FUT8: variants seen among roughly 807,000 people sequenced by gnomAD.
FUT8 encodes fucosyltransferase 8.
Under a neutral mutation model 71.3 loss-of-function variants are expected in FUT8, and 29 were observed. That is an observed-to-expected ratio of 0.41 (90% confidence interval 0.30 to 0.55). The LOEUF is 0.55. FUT8 is among the 20% of genes least tolerant of loss of function. The pLI, the probability that FUT8 is intolerant of heterozygous loss-of-function variation, is 0.34. For synonymous variants in FUT8, 254 were observed against 239.3 expected, an observed-to-expected ratio of 1.06 and a Z score of -0.57; for missense variants, 544 against 702.1, an observed-to-expected ratio of 0.77 and a Z score of 2.55.
intron 2 of FUT8, among the ~76,000 whole-genome samples, chr14:65,511,139 TTTC>T (rs1226550504): frequency 2.6e-5 from 4 of 152,138 alleles, no homozygotes; most frequent in African/African-American, 9.6e-5. Context: ...AGTTTTCAAT[TTTC>T]TTCTTAATTT....
intron 7 of FUT8, among the ~76,000 whole-genome samples, chr14:65,684,169 TA>T (rs1893167284): frequency 1.3e-5 from 2 of 152,080 alleles, no homozygotes; most frequent in African/African-American, 4.8e-5. Flanking sequence ...TCTACTATAA[TA>T]ACTATAATAT....
intron 3 of FUT8, among the ~76,000 whole-genome samples, chr14:65,609,512 C>T (rs1321400431): frequency 6.6e-6 from 1 of 151,734 alleles, no homozygotes; most frequent in African/African-American, 2.4e-5. Flanking sequence ...AAACTGTCTG[C>T]TAAATTATCT....
intron 3 of FUT8, among the ~76,000 whole-genome samples, chr14:65,572,213 T>G (rs1244390927): frequency 6.6e-6 from 1 of 152,156 alleles, no homozygotes; most frequent in Non-Finnish European, 1.5e-5. Flanking sequence ...TAGCTTGTGC[T>G]TTTACTCTTA....
At chr14:65,388,222 CTTTAG>C in the FUT8 span, among the ~76,000 whole-genome samples, 4 of 152,158 alleles carry the variant, frequency 2.6e-5, no homozygotes, top group African/African-American at 9.7e-5. Context: ...AAGAAGGAGT[CTTTAG>C]TTAAAAACTT....
chr14:65,695,941 T>C (rs908651069), intron 7 of FUT8, among the ~76,000 whole-genome samples: 1 of 152,120 alleles, frequency 6.6e-6, no homozygotes, highest in Non-Finnish European at 1.5e-5. Context: ...GCTTGCAATA[T>C]ATATTTACCA....
chr14:65,512,368 A>G (rs1458746249), intron 2 of FUT8, among the ~76,000 whole-genome samples: 1 of 151,970 alleles, frequency 6.6e-6, no homozygotes, highest in African/African-American at 2.4e-5. Flanking sequence ...GTTTCACCAT[A>G]TTGTCCAGGC....
rs10150033 is a variant in FUT8 at position 65,449,758 on chromosome 14, A to G, written c.-325-5863A>G. Among the ~76,000 whole-genome samples the G allele has an allele frequency of 9.8e-3, 1,494 of 152,200 alleles. 25 individuals carry two copies. The highest frequency in any genetic ancestry group is 0.034 in the African/African-American group (1,430 of 41,526). On this transcript the variant is annotated intron_variant, in intron 1 of 10. Coordinates refer to ENST00000673929, the MANE Select transcript of FUT8 (RefSeq NM_001371533.1). Reference sequence around the variant, plus strand: ...GCTGTCGCCACCCCTGCCTTACCCTATTTCACTGTGGAAAGCTCACTTTCT... The same window carrying G: ...GCTGTCGCCACCCCTGCCTTACCCTGTTTCACTGTGGAAAGCTCACTTTCT...
intron 2 of FUT8, among the ~76,000 whole-genome samples, chr14:65,524,675 G>A (rs1222144120): frequency 2.0e-5 from 3 of 152,242 alleles, no homozygotes; most frequent in East Asian, 1.9e-4. Context: ...AATGCTTCCC[G>A]TTTTTGCCCA....
chr14:65,662,356 G>T (rs1016721871), intron 6 of FUT8, among the ~76,000 whole-genome samples: 1 of 152,018 alleles, frequency 6.6e-6, no homozygotes, highest in Non-Finnish European at 1.5e-5. Flanking sequence ...ACTGCACTCC[G>T]GCCTGAGCAA....
intron 7 of FUT8, among the ~76,000 whole-genome samples, chr14:65,690,345 A>G (rs542428254): frequency 1.1e-4 from 17 of 152,250 alleles, no homozygotes; most frequent in South Asian, 2.1e-4. Context: ...TTATTCTTCA[A>G]TGTTATATTA....
At chr14:65,600,368 A>C (rs1888229940) in intron 3 of FUT8, among the ~76,000 whole-genome samples, 1 of 152,096 alleles carries the variant, frequency 6.6e-6, no homozygotes, top group Admixed American at 6.5e-5. Context: ...GTGTTACTTC[A>C]TTTATGCAAA....
chr14:65,534,504 C>T (rs531998842), intron 2 of FUT8, among the ~76,000 whole-genome samples: 2 of 147,482 alleles, frequency 1.4e-5, no homozygotes, highest in East Asian at 2.0e-4. Context: ...CTTTGTACAT[C>T]TGGTAGAATT....
intron 1 of FUT8, among the ~76,000 whole-genome samples, chr14:65,449,746 CT>C (rs1169368961): frequency 6.6e-6 from 1 of 152,214 alleles, no homozygotes; most frequent in Non-Finnish European, 1.5e-5. Flanking sequence ...GTCGCCACCC[CT>C]GCCTTACCCT....
chr14:65,596,815 A>G lies in FUT8; in HGVS notation c.204-19163A>G, dbSNP rs188956378. Among the ~76,000 whole-genome samples, 374 of 152,260 alleles carry G rather than the reference A, an allele frequency of 2.5e-3. 2 individuals carry two copies. The highest frequency in any genetic ancestry group is 8.6e-3 in the African/African-American group (356 of 41,566). ...TTCTAGTCTTTTGAGTTTTCCAAGC[A>G]TGGTCTATCTAAACACTTACTGTGA... On this transcript the variant is annotated intron_variant, in intron 3 of 10. Coordinates refer to ENST00000673929, the MANE Select transcript of FUT8 (RefSeq NM_001371533.1).
At position 65,550,017 on chromosome 14, in the gene FUT8, C is replaced by T. The variant is rs561554270; in HGVS notation, c.-227-11320C>T. On this transcript the variant is annotated intron_variant, in intron 2 of 10. Transcript: ENST00000673929. The surrounding 1 kb of genome is among the most constrained non-coding windows in gnomAD (Gnocchi z 4.5). Reference sequence around the variant, plus strand: ...TGGAGGTTGCAGTGAGCCGAGATCTCGCCACTGCACTCCAGCCTGGGTGAC... The same window carrying T: ...TGGAGGTTGCAGTGAGCCGAGATCTTGCCACTGCACTCCAGCCTGGGTGAC... 1.3e-5 allele frequency among the ~76,000 whole-genome samples: 2 copies of T among 152,046 alleles called. No individual in the cohort carries two copies. The highest frequency in any genetic ancestry group is 2.4e-5 in the African/African-American group (1 of 41,388).
intron 1 of FUT8, among the ~76,000 whole-genome samples, chr14:65,453,438 C>A (rs1486926094): frequency 1.3e-5 from 2 of 152,172 alleles, no homozygotes; most frequent in Non-Finnish European, 2.9e-5. Flanking sequence ...TGAGGCAAAA[C>A]CCTTCTGAAT....
intron 6 of FUT8, among the ~76,000 whole-genome samples, chr14:65,639,669 G>C (rs921971655): frequency 6.6e-6 from 1 of 151,884 alleles, no homozygotes; most frequent in African/African-American, 2.4e-5. Context: ...TTCCTTTTTA[G>C]AAAACTTTTA....
the FUT8 span, among the ~76,000 whole-genome samples, chr14:65,399,075 T>C: frequency 2.0e-5 from 3 of 152,200 alleles, no homozygotes; most frequent in Non-Finnish European, 4.4e-5. Flanking sequence ...TCCCAGCATT[T>C]TGGGAGGCCA....
chr14:65,629,957 A>C (rs541734046), intron 6 of FUT8, among the ~76,000 whole-genome samples: 1 of 152,186 alleles, frequency 6.6e-6, no homozygotes, highest in Admixed American at 6.5e-5. Flanking sequence ...AGTCTTGTAG[A>C]GAATGTATTG....
Sources: allele counts gnomAD v4.1 joint callset (sites outside exome capture counted in the v4.1 genomes callset), GRCh38; gene constraint gnomAD v4.1.1; non-coding constraint Gnocchi (gnomAD v3.1); transcripts MANE v1.5; gene names NCBI Gene and HGNC (gene_info 2026-07-23, HGNC 2026-07-21).